GEM: variants seen among roughly 807,000 people sequenced by gnomAD.
GEM encodes the protein GTP-binding protein GEM.
GEM carries 31 observed loss-of-function variants against 33.0 expected under a neutral mutation model. That is an observed-to-expected ratio of 0.94 (90% confidence interval 0.71 to 1.27). GEM has a LOEUF of 1.27. Among genes scored for constraint, GEM ranks in the 50% most tolerant of loss-of-function variants. The pLI, the probability that GEM is intolerant of heterozygous loss-of-function variation, is 0.00. For missense variants in GEM, 354 were observed against 390.5 expected, an observed-to-expected ratio of 0.91 and a Z score of 0.79; for synonymous variants, 141 against 143.7, an observed-to-expected ratio of 0.98 and a Z score of 0.13.
chr8:94,255,481 G>A lies in GEM; in HGVS notation c.332-2369C>T, dbSNP rs572174253. Among the ~76,000 whole-genome samples, 15 of 151,554 alleles carry A rather than the reference G, an allele frequency of 9.9e-5. No homozygotes were observed. The South Asian group carries it at 2.5e-3, about 25-fold the overall frequency. ...CACCCCAGTACATGAGTTTAGATAC[G>A]GCCTCTGGCTGTGTGCACCAGGACC... On this transcript the variant is annotated intron_variant, in intron 2 of 4. Coordinates refer to ENST00000297596, the MANE Select transcript of GEM (RefSeq NM_005261.4).
rs183254139 is a variant in GEM at position 94,257,908 on chromosome 8, T to C, written c.331+2265A>G. The stretch of plus-strand genomic sequence containing the variant: ...GGGTGTGCCTTAGAAAACCTTCCTC[T>C]TGGGAAACAAAACCAACTAGTGATT... On this transcript the variant is annotated intron_variant, in intron 2 of 4. Coordinates refer to ENST00000297596, the MANE Select transcript of GEM (RefSeq NM_005261.4). Among the ~76,000 whole-genome samples, 78 of 152,150 alleles carry C rather than the reference T, an allele frequency of 5.1e-4. 2 individuals carry two copies. The highest frequency in any genetic ancestry group is 9.6e-4 in the Non-Finnish European group (65 of 67,982).
At chr8:94,251,437 A>G (rs1808767930) in intron 4 of GEM, among the ~76,000 whole-genome samples, 2 of 94,910 alleles carry the variant, frequency 2.1e-5, no homozygotes, top group African/African-American at 7.5e-5. Context: ...TTTTAGTTTT[A>G]TAATTGTACC....
intron 1 of GEM, among the ~76,000 whole-genome samples, chr8:94,261,627 T>C (rs886413333): frequency 6.6e-6 from 1 of 152,186 alleles, no homozygotes; most frequent in Non-Finnish European, 1.5e-5. Context: ...CTTCCGAAAG[T>C]GCTGAGATCA....
intron 2 of GEM, among the ~76,000 whole-genome samples, chr8:94,257,456 A>G (rs1477869066): frequency 6.6e-6 from 1 of 152,212 alleles, no homozygotes; most frequent in Non-Finnish European, 1.5e-5. Flanking sequence ...TGTTGGGATT[A>G]CAGGCATGAG....
chr8:94,258,479 G>A (rs1286879634), intron 2 of GEM, among the ~76,000 whole-genome samples: 1 of 151,636 alleles, frequency 6.6e-6, no homozygotes, highest in African/African-American at 2.4e-5. Context: ...CAGGTGTGTG[G>A]CTGATGCCCA....
intron 2 of GEM, among the ~76,000 whole-genome samples, chr8:94,254,150 TTA>T (rs1808837497): frequency 6.6e-6 from 1 of 152,118 alleles, no homozygotes; most frequent in African/African-American, 2.4e-5. Context: ...CTTCTCTGCT[TTA>T]TGTTTCTCCA....
intron 4 of GEM, among the ~76,000 whole-genome samples, chr8:94,250,923 TTA>T (rs1311107427): frequency 6.6e-6 from 1 of 152,206 alleles, no homozygotes; most frequent in African/African-American, 2.4e-5. Flanking sequence ...GCTAAGTTCT[TTA>T]TAAACACTGT....
chr8:94,260,283 G>A lies in GEM; in HGVS notation c.221C>T (p.Thr74Ile). Reference sequence around the variant, plus strand: ...CCCTATGAGCACCACTCGGTAGTAGGTGTTCCCTGACTCAGAGGAGATGAC... The same window carrying A: ...CCCTATGAGCACCACTCGGTAGTAGATGTTCCCTGACTCAGAGGAGATGAC... ...DSVISSESGN[T>I]YYRVVLIGEQ... Residue 74 changes from threonine to isoleucine, a missense_variant, in exon 2 of 5, where the codon ACC becomes ATC. By Grantham distance (89) the Thr-to-Ile change is moderately conservative. Transcript: ENST00000297596. 6.2e-7 allele frequency: 1 copy of A among 1,614,082 alleles called. No individual in the cohort carries two copies.
rs1446048750 is a variant in GEM, at chr8:94,260,204, G to C, written c.300C>G (p.Asp100Glu). The C allele has an allele frequency of 1.9e-6, 3 of 1,606,786 alleles. No individual in the cohort carries two copies. Among genetic ancestry groups the C allele is most frequent in the Non-Finnish European group, 2.6e-6 (3 of 1,173,890 alleles). ...TLANIFAGVH[D>E]SMDSDCEVLG... Reference sequence around the variant, plus strand: ...GCACCTCGCAGTCGCTGTCCATGCTGTCATGCACACCTGCAAAGATGTTGG... The same window carrying C: ...GCACCTCGCAGTCGCTGTCCATGCTCTCATGCACACCTGCAAAGATGTTGG... The change falls in exon 2 of 5, where the codon GAC becomes GAG. Residue 100 changes from aspartate (D) to glutamate (E), a missense_variant. By Grantham distance (45) the Asp-to-Glu change is conservative. Transcript: ENST00000297596.
At chr8:94,261,227 G>A (rs913015288) in intron 1 of GEM, among the ~76,000 whole-genome samples, 7 of 152,070 alleles carry the variant, frequency 4.6e-5, no homozygotes, top group African/African-American at 7.2e-5. Context: ...AAAACATCCC[G>A]GCTCCAAACC....
At chr8:94,261,583 G>A (rs149092462) in intron 1 of GEM, among the ~76,000 whole-genome samples, 3,812 of 152,050 alleles carry the variant, frequency 0.025, 157 homozygotes, top group African/African-American at 0.086. Flanking sequence ...GGCTGGTCTC[G>A]AACTCCTGGG....
At chr8:94,255,037 G>A (rs1035792024) in intron 2 of GEM, among the ~76,000 whole-genome samples, 6 of 152,110 alleles carry the variant, frequency 3.9e-5, no homozygotes, top group Admixed American at 2.0e-4. Context: ...AGCACAGAAC[G>A]GGGATGGCCT....
rs1319673188 is a variant in GEM, at chr8:94,249,531, C to T, written c.*779G>A. ...TTATACATTAAAAATTGACATTTTG[C>T]ACTACAGGGTATCAATAATTCTGAT... On this transcript the variant is annotated 3_prime_UTR_variant, in exon 5 of 5. Coordinates refer to ENST00000297596, the MANE Select transcript of GEM (RefSeq NM_005261.4). 1.3e-5 allele frequency: 2 copies of T among 152,126 alleles called. No homozygotes were observed. Among genetic ancestry groups the T allele is most frequent in the Admixed American group, 6.5e-5 (1 of 15,276 alleles). The allele number at this position is 152,126 out of a possible 1,614,324, so 9.4% of individuals were successfully genotyped here.
In GEM at chr8:94,250,441, C is replaced by A. The variant is rs760620813; in HGVS notation, c.760G>T (p.Ala254Ser). 10 of 1,614,198 alleles carry A rather than the reference C, an allele frequency of 6.2e-6. No homozygotes were observed. The highest frequency in any genetic ancestry group is 8.5e-6 in the Non-Finnish European group (10 of 1,180,034). Residue 254 changes from alanine (A) to serine (S), a missense_variant, in exon 5 of 5, where the codon GCC (alanine) becomes TCC (serine). By Grantham distance (99) the Ala-to-Ser change is moderately conservative. Transcript: ENST00000297596. ...ATGCTCTCCTTCCTTTTCTGGTAGG[C>A]CAGCCGCCGTTCATTCTTCTCCTTG... The part of the protein sequence containing the change: ...DSKEKNERRL[A>S]YQKRKESMPR...
Position 94,252,169 on chromosome 8 carries a change from T to C in GEM, c.463A>G (p.Ile155Val). 6.2e-7 allele frequency: 1 copy of C among 1,613,690 alleles called. No individual in the cohort carries two copies. Among genetic ancestry groups the C allele is most frequent in the Non-Finnish European group, 8.5e-7 (1 of 1,179,706 alleles). Reference sequence around the variant, plus strand: ...GCTCGGTCTGTGATTGAGTAGACAATCAGGTATGCGTCCCCGACCTGCATG... The same window carrying C: ...GCTCGGTCTGTGATTGAGTAGACAACCAGGTATGCGTCCCCGACCTGCATG... ...HCMQVGDAYL[I>V]VYSITDRASF... Residue 155 changes from isoleucine to valine, a missense_variant, in exon 4 of 5, where the codon ATT becomes GTT. Coordinates refer to ENST00000297596, the MANE Select transcript of GEM (RefSeq NM_005261.4).
chr8:94,249,802 G>C lies in GEM; in HGVS notation c.*508C>G, dbSNP rs1808720447. On this transcript the variant is annotated 3_prime_UTR_variant, in exon 5 of 5. Transcript: ENST00000297596. Reference sequence around the variant, plus strand: ...TCCACATCATTTCTTTTCACAGTTTGATGGAGCAATAATAGTCACGATTCT... The same window carrying C: ...TCCACATCATTTCTTTTCACAGTTTCATGGAGCAATAATAGTCACGATTCT... 2 of 152,246 alleles carry C rather than the reference G, an allele frequency of 1.3e-5. No homozygotes were observed. Among genetic ancestry groups the C allele is most frequent in the African/African-American group, 4.8e-5 (2 of 41,394 alleles). 9.4% of individuals were successfully genotyped at this position (152,246 alleles called of 1,614,324 possible). A position where few individuals can be genotyped will look rare whatever the true frequency, so the allele number is the denominator to read the frequency against.
chr8:94,260,367 T>A lies in GEM; in HGVS notation c.137A>T (p.His46Leu). 6.2e-7 allele frequency: 1 copy of A among 1,614,148 alleles called. No homozygotes were observed. The highest frequency in any genetic ancestry group is 8.5e-7 in the Non-Finnish European group (1 of 1,180,022). Residue 46 changes from histidine to leucine, a missense_variant, in exon 2 of 5, where the codon CAT becomes CTT. Physicochemically the swap from His to Leu is moderately conservative, Grantham distance 99. Transcript: ENST00000297596. ...GCAGTGGTCCTCAGGGGTAGCAGAA[T>A]GGCGGTTGCGGTGGCTGTACTGGTG... ...EPHQYSHRNR[H>L]SATPEDHCRR... is the part of the protein sequence containing the mutation.
chr8:94,252,079 G>A lies in GEM; in HGVS notation c.553C>T (p.Pro185Ser). Residue 185 changes from proline (P) to serine (S), a missense_variant, in exon 4 of 5, where the codon CCC becomes TCC. Transcript: ENST00000297596. ...CTTTTGTTGCCAACCAAAATTATGG[G>A]AATGTCCTCTGTCTGCCGGGCCCTG... Reference protein sequence around the residue: ...LRRARQTEDIPIILVGNKSDL... With the variant: ...LRRARQTEDISIILVGNKSDL... 6.2e-7 allele frequency: 1 copy of A among 1,614,138 alleles called. No individual in the cohort carries two copies. The highest frequency in any genetic ancestry group is 8.5e-7 in the Non-Finnish European group (1 of 1,180,002).
intron 2 of GEM, 112 bp downstream of exon 2, chr8:94,260,061 A>C (rs1808980528): frequency 7.3e-6 from 5 of 688,604 alleles, no homozygotes; most frequent in Non-Finnish European, 9.9e-6. Context: ...TCAATTGTCC[A>C]AAATGCCTAA....
Sources: allele counts gnomAD v4.1 joint callset (sites outside exome capture counted in the v4.1 genomes callset), GRCh38; gene constraint gnomAD v4.1.1; transcripts MANE v1.5; gene names NCBI Gene and HGNC (gene_info 2026-07-23, HGNC 2026-07-21).